Variants in ARHGAP26 observed in about 807,000 individuals in gnomAD.
ARHGAP26 encodes the protein Rho GTPase activating protein 26.
In ARHGAP26, 38 loss-of-function variants were observed where a neutral mutation model predicts 104.8. That is an observed-to-expected ratio of 0.36 (90% CI 0.28 to 0.48). The LOEUF (loss-of-function observed/expected upper bound fraction) is 0.48. Among genes scored for constraint, ARHGAP26 ranks in the 20% least tolerant of loss-of-function variants. ARHGAP26 has a pLI of 0.99. For missense variants in ARHGAP26, 704 were observed against 947.9 expected, an observed-to-expected ratio of 0.74 and a Z score of 3.38; for synonymous variants, 341 against 340.0, an observed-to-expected ratio of 1.00 and a Z score of -0.03.
chr5:143,070,913 G>GAA (rs145620730), intron 17 of ARHGAP26, among the ~76,000 whole-genome samples: 3 of 148,558 alleles, frequency 2.0e-5, no homozygotes, highest in African/African-American at 7.4e-5. Flanking sequence ...CACTATCGCA[G>GAA]AAAAAAAAAC....
intron 14 of ARHGAP26, among the ~76,000 whole-genome samples, chr5:143,046,865 CAGTT>C (rs1784317011): frequency 6.6e-6 from 1 of 152,106 alleles, no homozygotes; most frequent in African/African-American, 2.4e-5. Flanking sequence ...AAGAAAATAA[CAGTT>C]CTATATACTA....
intron 5 of ARHGAP26, among the ~76,000 whole-genome samples, chr5:142,887,488 C>G (rs1757879806): frequency 6.6e-6 from 1 of 152,170 alleles, no homozygotes; most frequent in South Asian, 2.1e-4. Context: ...TTGGCCTGTT[C>G]CGCTCCATTT....
chr5:143,025,397 G>A (rs1780905455), intron 12 of ARHGAP26, among the ~76,000 whole-genome samples: 1 of 152,174 alleles, frequency 6.6e-6, no homozygotes, highest in African/African-American at 2.4e-5. Context: ...AAGACAGATA[G>A]GTAAAGGCAG....
chr5:142,977,972 G>C (rs1773369030), intron 11 of ARHGAP26, among the ~76,000 whole-genome samples: 1 of 152,240 alleles, frequency 6.6e-6, no homozygotes. Flanking sequence ...ATGGTTGACA[G>C]ATCACTTGCA....
intron 16 of ARHGAP26, 107 bp downstream of exon 16, chr5:143,056,193 C>A (rs1179989710): frequency 2.3e-6 from 2 of 877,254 alleles, no homozygotes; most frequent in African/African-American, 3.4e-5. Flanking sequence ...GTATTCTGCA[C>A]ATAAACTGGC....
At chr5:143,148,406 A>G (rs570623610) in intron 20 of ARHGAP26, among the ~76,000 whole-genome samples, 5 of 152,332 alleles carry the variant, frequency 3.3e-5, no homozygotes, top group Non-Finnish European at 5.9e-5. Flanking sequence ...CTTAGAAGAC[A>G]CTAAGGGCTA....
At chr5:143,009,886 C>T (rs1054844018) in intron 11 of ARHGAP26, among the ~76,000 whole-genome samples, 2 of 152,208 alleles carry the variant, frequency 1.3e-5, no homozygotes, top group African/African-American at 2.4e-5. Context: ...TGAGGAGCCA[C>T]AGATCAGGCA....
intron 17 of ARHGAP26, among the ~76,000 whole-genome samples, chr5:143,062,654 G>T (rs1056602150): frequency 1.3e-5 from 2 of 151,356 alleles, no homozygotes; most frequent in Non-Finnish European, 2.9e-5. Context: ...ACAAATGCTT[G>T]TGGTTATAAA....
intron 20 of ARHGAP26, among the ~76,000 whole-genome samples, chr5:143,158,601 G>T (rs1286120713): frequency 1.3e-5 from 2 of 152,328 alleles, no homozygotes; most frequent in African/African-American, 4.8e-5. Flanking sequence ...TAGCATCTTA[G>T]TCATTCACTG....
chr5:143,145,521 G>A (rs1355061197), intron 19 of ARHGAP26, among the ~76,000 whole-genome samples: 2 of 152,086 alleles, frequency 1.3e-5, no homozygotes, highest in Non-Finnish European at 1.5e-5. Flanking sequence ...CTGATAAATG[G>A]CACATCCAAT....
At chr5:143,079,236 A>G (rs552133780) in intron 17 of ARHGAP26, among the ~76,000 whole-genome samples, 4 of 152,368 alleles carry the variant, frequency 2.6e-5, no homozygotes, top group East Asian at 1.9e-4. Context: ...GGGCAACCAA[A>G]CAAGTTAGGT....
chr5:142,963,196 A>ATGTGTGTG (rs1381593823), intron 11 of ARHGAP26, among the ~76,000 whole-genome samples: 11 of 100,718 alleles, frequency 1.1e-4, no homozygotes, highest in African/African-American at 7.4e-4. Flanking sequence ...ATATATATAT[A>ATGTGTGTG]TATGTGTGTG....
At chr5:143,168,476 T>TTTC (rs1802344805) in intron 20 of ARHGAP26, 1 of 121,488 alleles carries the variant, frequency 8.2e-6, no homozygotes, top group African/African-American at 3.3e-5. Context: ...TTTTTTTTTT[T>TTTC]GCTCAAATTT....
chr5:142,787,686 T>C (rs1758944582), intron 1 of ARHGAP26, among the ~76,000 whole-genome samples: 1 of 152,218 alleles, frequency 6.6e-6, no homozygotes, highest in East Asian at 1.9e-4. Context: ...TCCAAAAACC[T>C]GTATTTTTTC....
intron 17 of ARHGAP26, among the ~76,000 whole-genome samples, chr5:143,087,563 C>CT (rs141506501): frequency 0.094 from 14,173 of 150,782 alleles, 1,289 homozygotes; most frequent in East Asian, 0.37. Context: ...ATGCTCTCCT[C>CT]CTCTGACCCT....
chr5:142,772,578 C>A (rs1478965947), intron 1 of ARHGAP26: 3 of 370,450 alleles, frequency 8.1e-6, no homozygotes, highest in Non-Finnish European at 1.6e-5. Flanking sequence ...GTACTTCATT[C>A]CAGGCACTGC....
chr5:143,100,210 C>G (rs778029684), intron 17 of ARHGAP26, among the ~76,000 whole-genome samples: 25 of 152,170 alleles, frequency 1.6e-4, no homozygotes, highest in Non-Finnish European at 2.6e-4. Flanking sequence ...ATATCAGGTT[C>G]AGTATCACAG....
chr5:142,986,423 G>T (rs1774744051), intron 11 of ARHGAP26, among the ~76,000 whole-genome samples: 1 of 152,188 alleles, frequency 6.6e-6, no homozygotes, highest in Admixed American at 6.5e-5. Flanking sequence ...TTGTCAGATG[G>T]GTAGATTGTA....
At chr5:143,168,957 C>T (rs1802412865) in intron 20 of ARHGAP26, 1 of 152,248 alleles carries the variant, frequency 6.6e-6, no homozygotes, top group African/African-American at 2.4e-5. Flanking sequence ...AGCATCCCTT[C>T]TCTTTCTCAA....
Sources: allele counts gnomAD v4.1 joint callset (sites outside exome capture counted in the v4.1 genomes callset), GRCh38; gene constraint gnomAD v4.1.1; transcripts MANE v1.5; gene names NCBI Gene and HGNC (gene_info 2026-07-23, HGNC 2026-07-21).